TAFA1: variants seen among roughly 807,000 people sequenced by gnomAD.
The protein encoded by TAFA1 is TAFA chemokine like family member 1.
A neutral mutation model predicts 18.5 loss-of-function variants in TAFA1; 4 were observed. The observed-to-expected ratio is 0.22, with a 90% CI of 0.11 to 0.49. TAFA1 has a LOEUF of 0.49. Ranked by LOEUF, TAFA1 falls within the 20% of genes least tolerant of loss-of-function variation. The pLI is 0.98. For missense variants in TAFA1, 147 were observed against 169.0 expected, an observed-to-expected ratio of 0.87 and a Z score of 0.72; for synonymous variants, 56 against 55.2, an observed-to-expected ratio of 1.01 and a Z score of -0.06.
At chr3:68,106,401 T>C (rs112132039) in intron 2 of TAFA1, among the ~76,000 whole-genome samples, 1,549 of 152,218 alleles carry the variant, frequency 0.01, 11 homozygotes, top group South Asian at 0.026. Flanking sequence ...TTAGCATAAT[T>C]GAGGAACTAA....
chr3:68,109,099 T>C (rs2065235925), intron 2 of TAFA1, among the ~76,000 whole-genome samples: 1 of 152,148 alleles, frequency 6.6e-6, no homozygotes, highest in African/African-American at 2.4e-5. Context: ...TTCTCTATTA[T>C]GGTGTGCATT....
chr3:68,292,132 A>G lies in TAFA1; in HGVS notation c.119-125148A>G, dbSNP rs77984550. On this transcript the variant is annotated intron_variant, in intron 2 of 4. Transcript: ENST00000478136. ...TGCTTTTCCCCTCACATATTCCATT[A>G]GATGTTATCTACTCTATACAGTTAA... Among the ~76,000 whole-genome samples the G allele has an allele frequency of 2.9e-3, 448 of 152,290 alleles. 1 individual carries two copies. Among genetic ancestry groups the G allele is most frequent in the African/African-American group, 0.01 (416 of 41,552 alleles).
At chr3:68,444,791 T>TATATATATAC (rs2071447405) in intron 3 of TAFA1, among the ~76,000 whole-genome samples, 1 of 140,756 alleles carries the variant, frequency 7.1e-6, no homozygotes, top group Non-Finnish European at 1.5e-5. Context: ...TATATATATA[T>TATATATATAC]ATATATATAT....
At chr3:68,276,699 A>C (rs1214623445) in intron 2 of TAFA1, among the ~76,000 whole-genome samples, 1 of 152,198 alleles carries the variant, frequency 6.6e-6, no homozygotes, top group Non-Finnish European at 1.5e-5. Context: ...AATATGTAAT[A>C]TAATTGTAGA....
At chr3:68,096,606 G>T in intron 2 of TAFA1, among the ~76,000 whole-genome samples, 1 of 152,126 alleles carries the variant, frequency 6.6e-6, no homozygotes, top group South Asian at 2.1e-4. Flanking sequence ...GCTTGGAGAA[G>T]TTAGTTAACT....
intron 2 of TAFA1, among the ~76,000 whole-genome samples, chr3:68,391,052 CAAAAATCCTCTGAGCT>C (rs2070230054): frequency 6.6e-6 from 1 of 152,104 alleles, no homozygotes; most frequent in Admixed American, 6.6e-5. Context: ...TGGGTAATAA[CAAAAATCCTCTGAGCT>C]AAAGGAACAT....
intron 2 of TAFA1, among the ~76,000 whole-genome samples, chr3:68,246,577 G>A (rs1454139514): frequency 2.2e-5 from 2 of 90,304 alleles, no homozygotes; most frequent in Non-Finnish European, 4.0e-5. Flanking sequence ...GCGACAGAGC[G>A]GGACTCCGTC....
intron 2 of TAFA1, among the ~76,000 whole-genome samples, chr3:68,024,551 A>G (rs4572789): frequency 0.2 from 30,714 of 152,096 alleles, 3,725 homozygotes; most frequent in Non-Finnish European, 0.28. Context: ...TGATGGGCAG[A>G]GTACATTGTG....
chr3:68,245,638 T>C (rs904211452), intron 2 of TAFA1, among the ~76,000 whole-genome samples: 3 of 152,194 alleles, frequency 2.0e-5, no homozygotes, highest in Non-Finnish European at 4.4e-5. Context: ...GATACTTTGG[T>C]CACCTTTAGC....
chr3:68,463,149 T>C (rs548256700), intron 3 of TAFA1, among the ~76,000 whole-genome samples: 1 of 152,254 alleles, frequency 6.6e-6, no homozygotes, highest in East Asian at 1.9e-4. Flanking sequence ...AGCACATGGA[T>C]GGTGGGGGCA....
chr3:68,145,051 G>T, intron 2 of TAFA1: 3 of 1,607,560 alleles, frequency 1.9e-6, no homozygotes, highest in South Asian at 1.1e-5. Context: ...TCAAAAAGTT[G>T]CTGGATCAGT....
chr3:68,309,988 C>G (rs1252469711), intron 2 of TAFA1, among the ~76,000 whole-genome samples: 3 of 152,136 alleles, frequency 2.0e-5, no homozygotes, highest in Non-Finnish European at 4.4e-5. Flanking sequence ...AAAGGTAACC[C>G]TTTCTCGAGG....
chr3:68,118,442 C>T (rs930739708), intron 2 of TAFA1, among the ~76,000 whole-genome samples: 1 of 152,120 alleles, frequency 6.6e-6, no homozygotes, highest in African/African-American at 2.4e-5. Context: ...GCTGTATGGC[C>T]CGGTTCCTAA....
At chr3:68,154,645 T>A (rs1302785457) in intron 2 of TAFA1, among the ~76,000 whole-genome samples, 1 of 152,198 alleles carries the variant, frequency 6.6e-6, no homozygotes, top group East Asian at 1.9e-4. Context: ...CATATAGCCA[T>A]CTGCTCAGTG....
intron 2 of TAFA1, among the ~76,000 whole-genome samples, chr3:68,407,890 G>A (rs1268899169): frequency 2.6e-5 from 4 of 152,122 alleles, no homozygotes; most frequent in Admixed American, 2.6e-4. Context: ...AAATCAAGCA[G>A]CTATTTTGCC....
At chr3:68,427,484 G>A (rs2071078462) in intron 3 of TAFA1, among the ~76,000 whole-genome samples, 1 of 151,820 alleles carries the variant, frequency 6.6e-6, no homozygotes, top group Non-Finnish European at 1.5e-5. Context: ...AAGGATACTG[G>A]TACATTGCTA....
At chr3:68,293,932 G>T (rs756204571) in intron 2 of TAFA1, among the ~76,000 whole-genome samples, 1 of 152,144 alleles carries the variant, frequency 6.6e-6, no homozygotes, top group Non-Finnish European at 1.5e-5. Context: ...AGCAGAACTT[G>T]ATCAAAGTGC....
At chr3:68,085,002 T>C (rs2064953885) in intron 2 of TAFA1, among the ~76,000 whole-genome samples, 1 of 152,124 alleles carries the variant, frequency 6.6e-6, no homozygotes, top group East Asian at 1.9e-4. Context: ...GTCATAAAAA[T>C]TTTATCTCGT....
chr3:68,316,289 C>A (rs965245438), intron 2 of TAFA1, among the ~76,000 whole-genome samples: 2 of 152,112 alleles, frequency 1.3e-5, no homozygotes, highest in Admixed American at 6.5e-5. Flanking sequence ...GGGGAGGACT[C>A]CCTCCCTTAG....
Sources: allele counts gnomAD v4.1 joint callset (sites outside exome capture counted in the v4.1 genomes callset), GRCh38; gene constraint gnomAD v4.1.1; transcripts MANE v1.5; gene names NCBI Gene and HGNC (gene_info 2026-07-23, HGNC 2026-07-21).